The following TM2D2 variants were observed in gnomAD, a reference collection of about 807,000 sequenced individuals.
TM2D2 encodes TM2 domain-containing protein 2.
Under a neutral mutation model 23.0 loss-of-function variants are expected in TM2D2, and 19 were observed. That is an observed-to-expected ratio of 0.82 (90% confidence interval 0.58 to 1.21). The LOEUF is 1.21. Ranked by LOEUF, TM2D2 falls within the 50% of genes most tolerant of loss-of-function variation. The probability of loss-of-function intolerance (pLI) is 0.00; values close to 1 mark genes in which losing one functional copy is unlikely to be tolerated. For missense variants in TM2D2, 246 were observed against 265.4 expected, an observed-to-expected ratio of 0.93 and a Z score of 0.51; for synonymous variants, 120 against 108.8, an observed-to-expected ratio of 1.10 and a Z score of -0.64.
upstream of TM2D2, chr8:38,996,797 C>G: frequency 7.0e-7 from 1 of 1,429,600 alleles, no homozygotes; most frequent in South Asian, 1.5e-5. Flanking sequence ...CCGACTAGTG[C>G]TGGTTGCCAC....
At chr8:38,993,870 TTTC>T (rs1282015025) in intron 2 of TM2D2, 7 of 352,844 alleles carry the variant, frequency 2.0e-5, no homozygotes, top group South Asian at 1.1e-4. Flanking sequence ...AAACTCCTGC[TTTC>T]TTCTTCATGA....
At chr8:38,993,710 C>T (rs1419700888) in intron 2 of TM2D2, 50 bp from the exon 3 acceptor site, 2 of 1,327,246 alleles carry the variant, frequency 1.5e-6, no homozygotes, top group African/African-American at 2.9e-5. Context: ...GCAAGTGACA[C>T]AAACATCTAT....
chr8:38,994,254 C>T (rs1198194974), intron 2 of TM2D2, among the ~76,000 whole-genome samples: 1 of 152,146 alleles, frequency 6.6e-6, no homozygotes, highest in Non-Finnish European at 1.5e-5. Flanking sequence ...AATTTCAGAA[C>T]TGGGCCTCTT....
At chr8:38,996,586 C>T (rs1049276149), upstream of TM2D2, 22 of 1,458,820 alleles carry the variant, frequency 1.5e-5, no homozygotes, top group East Asian at 1.0e-4. Context: ...CTCGACGCTC[C>T]GCGCACCTCC....
chr8:38,995,253 A>G, intron 2 of TM2D2, 65 bp downstream of exon 2: 2 of 1,177,756 alleles, frequency 1.7e-6, no homozygotes, highest in Non-Finnish European at 2.4e-6. Context: ...CTTTTATGTA[A>G]TAGCATTCAG....
rs765188050 is a variant in TM2D2 at position 38,991,003 on chromosome 8, A to G, written c.*329T>C. ...TCAACTTGTTAGGTCCACTTGCTCCAAAGGACTGAAGATATAGCAATGTAC... is the reference window on the plus strand; with the variant it reads ...TCAACTTGTTAGGTCCACTTGCTCCGAAGGACTGAAGATATAGCAATGTAC... On this transcript the variant is annotated 3_prime_UTR_variant, in exon 4 of 4. Transcript: ENST00000456397. 3.3e-6 allele frequency: 1 copy of G among 298,952 alleles called. No individual in the cohort carries two copies. Among genetic ancestry groups the G allele is most frequent in the South Asian group, 4.5e-5 (1 of 22,228 alleles). 18.5% of individuals were successfully genotyped at this position (298,952 alleles called of 1,614,324 possible).
intron 1 of TM2D2, 21 bp from the exon 2 acceptor site, chr8:38,995,426 C>G: frequency 6.2e-7 from 1 of 1,612,156 alleles, no homozygotes; most frequent in East Asian, 2.2e-5. Flanking sequence ...CCAGTAAGAT[C>G]ATGATCATCA....
In TM2D2 at chr8:38,990,214, T is replaced by C. The variant is rs745355746; in HGVS notation, c.*1118A>G. 7.9e-5 allele frequency: 12 copies of C among 152,194 alleles called. No individual in the cohort carries two copies. Among genetic ancestry groups the C allele is most frequent in the Admixed American group, 2.0e-4 (3 of 15,286 alleles). 9.4% of individuals were successfully genotyped at this position (152,194 alleles called of 1,614,324 possible). ...GTATCCAGGGAAGTTATTTCAACTG[T>C]GATATTTGGTCTTAAATTCAATTAT... is the stretch of plus-strand genomic sequence containing the variant. On this transcript the variant is annotated 3_prime_UTR_variant, in exon 4 of 4. Transcript: ENST00000456397.
intron 2 of TM2D2, chr8:38,993,942 G>C (rs573694430): frequency 4.5e-6 from 1 of 223,374 alleles, no homozygotes; most frequent in East Asian, 9.4e-5. Context: ...GTCATTAAAG[G>C]CCATTTAGAA....
chr8:38,996,804 C>G, upstream of TM2D2: 1 of 1,430,842 alleles, frequency 7.0e-7, no homozygotes, highest in Non-Finnish European at 9.1e-7. Flanking sequence ...GTGCTGGTTG[C>G]CACCGCCGGT....
chr8:38,996,454 G>A lies in TM2D2; in HGVS notation c.-15C>T, dbSNP rs752840135. ...CCTAGCACCATCTTCCCGGGCACAG[G>A]AGCGGAGACCCGGCCTCAACCACAA... On this transcript the variant is annotated 5_prime_UTR_variant, in exon 1 of 4. Transcript: ENST00000456397. The A allele has an allele frequency of 5.6e-6, 9 of 1,613,490 alleles. No individual in the cohort carries two copies. Among genetic ancestry groups the A allele is most frequent in the Middle Eastern group, 1.6e-4 (1 of 6,084 alleles).
At chr8:38,992,110 G>A (rs923403427) in intron 3 of TM2D2, among the ~76,000 whole-genome samples, 1 of 152,052 alleles carries the variant, frequency 6.6e-6, no homozygotes, top group African/African-American at 2.4e-5. Flanking sequence ...GCTTCAGGAA[G>A]AGCAGTCTCT....
chr8:38,995,918 G>C (rs994567325), intron 1 of TM2D2: 1 of 759,530 alleles, frequency 1.3e-6, no homozygotes, highest in Admixed American at 3.6e-5. Flanking sequence ...CTCTCCTTGG[G>C]CTAAAGGGCG....
rs1835623366 is a variant in TM2D2, at chr8:38,992,271, A to G, written c.432-726T>C. Among the ~76,000 whole-genome samples, 3 of 142,726 alleles carry G rather than the reference A, an allele frequency of 2.1e-5. No homozygotes were observed. The Admixed American group carries it at 2.2e-4, about 10-fold the overall frequency. The allele number at this position is 142,726 out of a possible 152,430, so 93.6% of individuals were successfully genotyped here. A position where few individuals can be genotyped will look rare whatever the true frequency, so the allele number is the denominator to read the frequency against. ...ACTTGAGCCCAGGTGCTCCAGGCCA[A>G]CCTAGGCAACATAGCGAGACCCTGT... is the stretch of plus-strand genomic sequence containing the variant. On this transcript the variant is annotated intron_variant, in intron 3 of 3. Transcript: ENST00000456397.
At chr8:38,991,865 G>C (rs1320057164) in intron 3 of TM2D2, among the ~76,000 whole-genome samples, 1 of 152,154 alleles carries the variant, frequency 6.6e-6, no homozygotes, top group Non-Finnish European at 1.5e-5. Flanking sequence ...CTGCAGGAAA[G>C]GCAAGACAGG....
rs11332696 is a variant in TM2D2 at position 38,992,303 on chromosome 8, C to CAAAAA, written c.432-763_432-759dup. The stretch of plus-strand genomic sequence containing the variant: ...CAACATAGCGAGACCCTGTTTCTAC[C>CAAAAA]AAAAAAAAAAAAAAAAAAAAAAAAA... On this transcript the variant is annotated intron_variant, in intron 3 of 3. Coordinates refer to ENST00000456397, the MANE Select transcript of TM2D2 (RefSeq NM_078473.3). Among the ~76,000 whole-genome samples, 76 of 47,412 alleles carry CAAAAA rather than the reference C, an allele frequency of 1.6e-3. 2 individuals carry two copies. Among genetic ancestry groups the CAAAAA allele is most frequent in the African/African-American group, 4.3e-3 (47 of 11,038 alleles). 31.1% of individuals were successfully genotyped at this position (47,412 alleles called of 152,430 possible).
rs1375489498 is a variant in TM2D2, at chr8:38,989,324, C to CA, written c.*2007dup. The CA allele has an allele frequency of 6.6e-6, 1 of 152,212 alleles. No homozygotes were observed. Among genetic ancestry groups the CA allele is most frequent in the Admixed American group, 6.5e-5 (1 of 15,274 alleles). 9.4% of individuals were successfully genotyped at this position (152,212 alleles called of 1,614,324 possible). ...GGAGCTGCAAAATTTCTTTTTTGGTCAGAGTCTCACTCTGTTGCCCAGGCT... is the reference window on the plus strand; with the variant it reads ...GGAGCTGCAAAATTTCTTTTTTGGTCAAGAGTCTCACTCTGTTGCCCAGGCT... On this transcript the variant is annotated 3_prime_UTR_variant, in exon 4 of 4. Coordinates refer to ENST00000456397, the MANE Select transcript of TM2D2 (RefSeq NM_078473.3).
rs376122422 is a variant in TM2D2 at position 38,996,486 on chromosome 8, G to A, written c.-47C>T. 1.1e-5 allele frequency: 17 copies of A among 1,610,748 alleles called. No homozygotes were observed. The highest frequency in any genetic ancestry group is 1.7e-4 in the Middle Eastern group (1 of 6,060). On this transcript the variant is annotated 5_prime_UTR_variant, in exon 1 of 4. Transcript: ENST00000456397. Reference sequence around the variant, plus strand: ...GACCCGGCCTCAACCACAACCCCAGGCCAGCAGCACAGACCCAAGAACTGC... The same window carrying A: ...GACCCGGCCTCAACCACAACCCCAGACCAGCAGCACAGACCCAAGAACTGC...
upstream of TM2D2, chr8:38,996,897 G>A: frequency 6.8e-7 from 1 of 1,461,512 alleles, no homozygotes; most frequent in South Asian, 1.3e-5. Flanking sequence ...AGCTCGGACC[G>A]AGGGCTCAGT....
Sources: gnomAD v4.1 joint callset for allele counts (sites outside exome capture counted in the v4.1 genomes callset) on GRCh38, gnomAD v4.1.1 for gene constraint, MANE v1.5 for transcripts, NCBI Gene and HGNC (gene_info 2026-07-23, HGNC 2026-07-21) for gene names.